TRIP11: variants seen among roughly 807,000 people sequenced by gnomAD.
The protein encoded by TRIP11 is thyroid receptor-interacting protein 11.
In TRIP11, 148 loss-of-function variants were observed where a neutral mutation model predicts 223.1. The ratio of observed to expected loss-of-function variants is 0.66; its 90% CI spans 0.58 to 0.76. The LOEUF (loss-of-function observed/expected upper bound fraction) is 0.76, where lower values mean the gene tolerates loss of function less well. TRIP11 is among the 30% of genes least tolerant of loss of function. The pLI, the probability that TRIP11 is intolerant of heterozygous loss-of-function variation, is 0.00. For missense variants in TRIP11, 2,043 were observed against 2,222.0 expected, an observed-to-expected ratio of 0.92 and a Z score of 1.62; for synonymous variants, 762 against 772.6, an observed-to-expected ratio of 0.99 and a Z score of 0.23.
intron 16 of TRIP11, among the ~76,000 whole-genome samples, chr14:91,985,180 A>T (rs74436744): frequency 3.8e-4 from 58 of 152,226 alleles, no homozygotes; most frequent in African/African-American, 1.3e-3. Context: ...TCTTATGATC[A>T]CTGTTGTGCA....
At chr14:91,975,407 C>T (rs2056451885) in intron 17 of TRIP11, 121 bp from the exon 18 acceptor site, 1 of 547,200 alleles carries the variant, frequency 1.8e-6, no homozygotes, top group Non-Finnish European at 3.1e-6. Flanking sequence ...AAAGTCTAAA[C>T]AAAATATTTT....
chr14:91,986,162 T>C (rs2056601706), intron 16 of TRIP11, among the ~76,000 whole-genome samples: 2 of 152,330 alleles, frequency 1.3e-5, no homozygotes, highest in Admixed American at 1.3e-4. Context: ...GAATCCAAAG[T>C]TCGTATACGT....
At position 92,025,390 on chromosome 14, in the gene TRIP11, G is replaced by T; in HGVS notation, c.232C>A (p.Leu78Ile). The T allele has an allele frequency of 6.2e-7, 1 of 1,612,842 alleles. No homozygotes were observed. ...NERLKKLCTD[L>I]EEKHEASEIQ... ...TCTGATGCTTCATGTTTCTCTTCTA[G>T]ATCAGTACAAAGTTTCTTAAGCCTT... Residue 78 changes from leucine (L) to isoleucine (I), a missense_variant, in exon 3 of 21, where the codon CTA becomes ATA. Transcript: ENST00000267622.
Position 92,020,447 on chromosome 14 carries a change from C to T in TRIP11, c.588+1109G>A, listed in dbSNP as rs1334646329. Among the ~76,000 whole-genome samples the T allele has an allele frequency of 5.3e-5, 8 of 152,036 alleles. No homozygotes were observed. The East Asian group carries it at 7.7e-4, about 15-fold the overall frequency. On this transcript the variant is annotated intron_variant, in intron 4 of 20. Transcript: ENST00000267622. ...AATTTCTAGTGCATGAGAAACAACA[C>T]AAAATGGTTTATCATATTTTATAAT...
intron 20 of TRIP11, 116 bp downstream of exon 20, chr14:91,972,601 G>T: frequency 1.9e-6 from 2 of 1,059,144 alleles, no homozygotes; most frequent in Non-Finnish European, 2.7e-6. Context: ...AATTCTGGAA[G>T]TCCTGATTAC....
intron 15 of TRIP11, among the ~76,000 whole-genome samples, chr14:91,992,882 A>C (rs184314559): frequency 0.013 from 1,687 of 126,696 alleles, 11 homozygotes; most frequent in Admixed American, 0.019. Flanking sequence ...GCACTCCAGC[A>C]TGGGCAACAG....
intron 19 of TRIP11, among the ~76,000 whole-genome samples, chr14:91,973,290 C>T (rs758401358): frequency 5.3e-5 from 8 of 152,056 alleles, no homozygotes; most frequent in Admixed American, 1.3e-4. Context: ...TCCCAAAGTG[C>T]GGGGATTACA....
intron 14 of TRIP11, 63 bp downstream of exon 14, chr14:91,995,289 A>C: frequency 6.2e-7 from 1 of 1,602,438 alleles, no homozygotes; most frequent in South Asian, 1.1e-5. Flanking sequence ...ATAGCTCTCA[A>C]ATTAGGCAAA....
At position 91,969,829 on chromosome 14, in the gene TRIP11, T is replaced by C. The variant is rs2056379549; in HGVS notation, c.5784A>G (p.Ala1928=). 1.2e-6 allele frequency: 2 copies of C among 1,614,206 alleles called. No individual in the cohort carries two copies. Among genetic ancestry groups the C allele is most frequent in the Non-Finnish European group, 1.7e-6 (2 of 1,180,036 alleles). The change falls in exon 21 of 21, where the codon GCA becomes GCG. Residue 1928 remains alanine, a synonymous_variant. Coordinates refer to ENST00000267622, the MANE Select transcript of TRIP11 (RefSeq NM_004239.4). ...CAGCTGGGTTAATAAGAGGTACAGC[T>C]GCCGAGCGAGGAGCCAAAAACGGAT... ...DVNPFLAPRS[A]AVPLINPAGL... is the part of the protein sequence containing the mutation.
chr14:92,002,790 AGGCT>A (rs1233574576), intron 11 of TRIP11, among the ~76,000 whole-genome samples: 1 of 152,036 alleles, frequency 6.6e-6, no homozygotes, highest in Non-Finnish European at 1.5e-5. Flanking sequence ...TATGTTGGTC[AGGCT>A]GGTCTCAAAC....
rs532993795 is a variant in TRIP11 at position 92,026,943 on chromosome 14, T to C, written c.202-1523A>G. 108 of 1,140,488 alleles carry C rather than the reference T, an allele frequency of 9.5e-5. 1 individual carries two copies. In the South Asian group the frequency reaches 1.4e-3, roughly 15 times the overall value. 70.6% of individuals were successfully genotyped at this position (1,140,488 alleles called of 1,614,324 possible). On this transcript the variant is annotated intron_variant, in intron 2 of 20. Transcript: ENST00000267622. ...AAAGGCCGCCGCGACCTATTCACCCTCCACTTCCCCTCTCAGAATCTAAAC... is the reference window on the plus strand; with the variant it reads ...AAAGGCCGCCGCGACCTATTCACCCCCCACTTCCCCTCTCAGAATCTAAAC...
At chr14:92,029,280 A>ATTTTTTTTTTTTTTTTTTTTTTTT (rs60778253) in intron 2 of TRIP11, among the ~76,000 whole-genome samples, 1 of 76,762 alleles carries the variant, frequency 1.3e-5, no homozygotes, top group Non-Finnish European at 2.3e-5. Flanking sequence ...CCAAAGTATT[A>ATTTTTTTTTTTTTTTTTTTTTTTT]TTTTTTTTTT....
At chr14:91,993,950 T>C in intron 14 of TRIP11, 38 bp from the exon 15 acceptor site, 2 of 1,502,702 alleles carry the variant, frequency 1.3e-6, no homozygotes, top group Admixed American at 3.4e-5. Context: ...TATTTTGCAA[T>C]CGTGTGTTAA....
chr14:91,972,457 A>T lies in TRIP11; in HGVS notation c.5719+260T>A, dbSNP rs76152680. 0.012 allele frequency among the ~76,000 whole-genome samples: 1,864 copies of T among 152,316 alleles called. 40 individuals carry two copies. The highest frequency in any genetic ancestry group is 0.041 in the African/African-American group (1,701 of 41,562). ...ATAGCTGGTTAGGCAGACAGAGAAGAATTATTCTGATATACAAAGGGAATA... is the reference window on the plus strand; with the variant it reads ...ATAGCTGGTTAGGCAGACAGAGAAGTATTATTCTGATATACAAAGGGAATA... On this transcript the variant is annotated intron_variant, in intron 20 of 20. Coordinates refer to ENST00000267622, the MANE Select transcript of TRIP11 (RefSeq NM_004239.4).
rs745783295 is a variant in TRIP11, at chr14:91,995,561, T to C, written c.4893-46A>G. On this transcript the variant is annotated intron_variant, in intron 13 of 20. Transcript: ENST00000267622. ...AGTCAAACTGCTTCATCTATTTAGA[T>C]ACTTTAACAAGAAGAAGCCACCTTC... 9 of 1,606,324 alleles carry C rather than the reference T, an allele frequency of 5.6e-6. No homozygotes were observed. The East Asian group carries it at 1.3e-4, about 24-fold the overall frequency.
chr14:91,975,996 A>G, intron 17 of TRIP11, 112 bp downstream of exon 17: 1 of 988,906 alleles, frequency 1.0e-6, no homozygotes, highest in South Asian at 1.5e-5. Context: ...GTGAGGGGAA[A>G]AAAGGCTTTT....
At position 92,011,752 on chromosome 14, in the gene TRIP11, T is replaced by A. The variant is rs1404677183; in HGVS notation, c.1227+3A>T. 1 of 1,611,174 alleles carries A rather than the reference T, an allele frequency of 6.2e-7. No homozygotes were observed. The highest frequency in any genetic ancestry group is 1.3e-5 in the African/African-American group (1 of 75,022). Reference sequence around the variant, plus strand: ...CACATAACATTTGTCAAAATTAATTTACCTGGTTTAAACTACTCAATCTCA... The same window carrying A: ...CACATAACATTTGTCAAAATTAATTAACCTGGTTTAAACTACTCAATCTCA... On this transcript the variant is annotated splice_donor_region_variant and intron_variant, in intron 8 of 20. Coordinates refer to ENST00000267622, the MANE Select transcript of TRIP11 (RefSeq NM_004239.4).
intron 4 of TRIP11, among the ~76,000 whole-genome samples, chr14:92,019,225 C>T (rs973146302): frequency 5.9e-5 from 9 of 152,038 alleles, no homozygotes; most frequent in African/African-American, 1.9e-4. Context: ...GAAATGAACA[C>T]ACCAAAAACC....
chr14:91,984,233 TCAC>T (rs2056577529), intron 16 of TRIP11, among the ~76,000 whole-genome samples: 1 of 152,302 alleles, frequency 6.6e-6, no homozygotes, highest in Non-Finnish European at 1.5e-5. Flanking sequence ...ACCATAAAAT[TCAC>T]CACCTTTCTG....
Sources: allele counts gnomAD v4.1 joint callset (sites outside exome capture counted in the v4.1 genomes callset), GRCh38; gene constraint gnomAD v4.1.1; transcripts MANE v1.5; gene names NCBI Gene and HGNC (gene_info 2026-07-23, HGNC 2026-07-21).